Variants in SOX5 observed in about 807,000 individuals in gnomAD.
SOX5 encodes SRY-box transcription factor 5, also known as transcription factor SOX-5.
A neutral mutation model predicts 92.0 loss-of-function variants in SOX5; 9 were observed. The ratio of observed to expected loss-of-function variants is 0.10; its 90% confidence interval spans 0.06 to 0.17. The LOEUF (loss-of-function observed/expected upper bound fraction) is 0.17, where lower values mean the gene tolerates loss of function less well. SOX5 is among the 10% of genes least tolerant of loss of function. The pLI, the probability that SOX5 is intolerant of heterozygous loss-of-function variation, is 1.00. For missense variants in SOX5, 642 were observed against 944.5 expected (o/e 0.68, Z 4.20); for synonymous variants, 344 against 336.3 (o/e 1.02, Z -0.25).
At chr12:24,266,352 A>G (rs1943022446) in intron 3 of SOX5, among the ~76,000 whole-genome samples, 1 of 152,168 alleles carries the variant, frequency 6.6e-6, no homozygotes, top group Non-Finnish European at 1.5e-5. Flanking sequence ...TAATATATAT[A>G]TGGCAAATTG....
chr12:24,006,446 C>T (rs1952174302), intron 4 of SOX5, among the ~76,000 whole-genome samples: 1 of 151,996 alleles, frequency 6.6e-6, no homozygotes, highest in African/African-American at 2.4e-5. Context: ...AGGTACAGAA[C>T]TTTTTTCTGC....
intron 3 of SOX5, among the ~76,000 whole-genome samples, chr12:23,786,616 C>A (rs1313102896): frequency 1.8e-5 from 2 of 109,546 alleles, no homozygotes; most frequent in African/African-American, 3.4e-5. Context: ...CCTACTGTAT[C>A]AATCACGTAT....
chr12:24,090,370 G>T (rs1361019758), intron 4 of SOX5, among the ~76,000 whole-genome samples: 2 of 152,068 alleles, frequency 1.3e-5, no homozygotes, highest in Non-Finnish European at 2.9e-5. Context: ...TGACCACTGA[G>T]AACGCTTGTA....
chr12:24,259,081 T>A (rs1402250311), intron 3 of SOX5, among the ~76,000 whole-genome samples: 2 of 152,220 alleles, frequency 1.3e-5, no homozygotes. Context: ...ATAGATTAAT[T>A]AATGTACTTT....
intron 2 of SOX5, among the ~76,000 whole-genome samples, chr12:23,851,253 T>C (rs2136170711): frequency 6.6e-6 from 1 of 152,286 alleles, no homozygotes; most frequent in South Asian, 2.1e-4. Flanking sequence ...AATCATTGTT[T>C]TCTTATTCAG....
intron 1 of SOX5, among the ~76,000 whole-genome samples, chr12:24,471,248 C>G (rs916266902): frequency 6.6e-6 from 1 of 152,048 alleles, no homozygotes; most frequent in African/African-American, 2.4e-5. Context: ...GAATTTTAAA[C>G]TTTAGTTAAC....
intron 1 of SOX5, among the ~76,000 whole-genome samples, chr12:24,409,437 C>G (rs1963648696): frequency 6.6e-6 from 1 of 152,048 alleles, no homozygotes; most frequent in Non-Finnish European, 1.5e-5. Flanking sequence ...ACTTTCTGCA[C>G]ATGTATCCCT....
At chr12:23,573,363 C>T (rs1223893607) in intron 10 of SOX5, among the ~76,000 whole-genome samples, 3 of 152,180 alleles carry the variant, frequency 2.0e-5, no homozygotes, top group Admixed American at 6.5e-5. Context: ...TAAAACTTCT[C>T]TGTCAGTCTA....
intron 9 of SOX5, among the ~76,000 whole-genome samples, chr12:23,600,710 T>A (rs2074381590): frequency 6.6e-6 from 1 of 151,666 alleles, no homozygotes; most frequent in South Asian, 2.1e-4. Context: ...GAATGCAGAT[T>A]TTGAACAGAC....
chr12:24,195,162 A>C (rs1956895321), intron 4 of SOX5, among the ~76,000 whole-genome samples: 1 of 152,082 alleles, frequency 6.6e-6, no homozygotes, highest in Admixed American at 6.6e-5. Context: ...CACGAGAAAA[A>C]TATTTCTAGG....
intron 2 of SOX5, among the ~76,000 whole-genome samples, chr12:23,871,896 C>T (rs1468826628): frequency 1.3e-5 from 2 of 152,008 alleles, no homozygotes; most frequent in Non-Finnish European, 2.9e-5. Context: ...AGTTTCTCCC[C>T]AACTATCTTT....
intron 4 of SOX5, among the ~76,000 whole-genome samples, chr12:24,000,976 T>C (rs888613414): frequency 6.6e-6 from 1 of 152,134 alleles, no homozygotes; most frequent in South Asian, 2.1e-4. Context: ...TCCAGCAGAA[T>C]ACATACTATT....
chr12:23,794,206 GTTTA>G lies in SOX5; in HGVS notation c.482-38486_482-38483del, dbSNP rs143927948. On this transcript the variant is annotated intron_variant, in intron 3 of 14. Transcript: ENST00000451604. ...TCTTTAATTGGTGTGCTGTTTACTG[GTTTA>G]TTTTAGTGAACAGAAAAATAAGTAT... is the stretch of plus-strand genomic sequence containing the variant. 1.7e-3 allele frequency among the ~76,000 whole-genome samples: 264 copies of G among 151,908 alleles called. 1 individual carries two copies. Among genetic ancestry groups the G allele is most frequent in the African/African-American group, 5.9e-3 (245 of 41,434 alleles).
At chr12:24,518,604 C>G (rs1214681688) in intron 1 of SOX5, among the ~76,000 whole-genome samples, 3 of 152,002 alleles carry the variant, frequency 2.0e-5, no homozygotes. Context: ...AAAACAGACT[C>G]AGGGCAAAAG....
chr12:23,635,756 GA>G (rs1210491018), intron 8 of SOX5, among the ~76,000 whole-genome samples: 1 of 152,150 alleles, frequency 6.6e-6, no homozygotes. Context: ...GATCAAGATA[GA>G]AAGACCAGTT....
At chr12:24,299,475 T>C (rs1229608497) in intron 2 of SOX5, among the ~76,000 whole-genome samples, 2 of 152,170 alleles carry the variant, frequency 1.3e-5, no homozygotes, top group African/African-American at 4.8e-5. Context: ...CTGGGTATAT[T>C]AAAAGGCCTC....
intron 2 of SOX5, among the ~76,000 whole-genome samples, chr12:23,853,543 GTT>G (rs67299596): frequency 5.3e-4 from 68 of 128,946 alleles, no homozygotes; most frequent in Non-Finnish European, 5.4e-4. Flanking sequence ...TGTCTAACGT[GTT>G]TTTTTTTTTT....
At position 24,179,943 on chromosome 12, in the gene SOX5, T is replaced by TA. The variant is rs10711734; in HGVS notation, c.-2+33399dup. ...TAGGCCTTATAATCTTTTTTTTTAT[T>TA]AAAAAAAAAAAAGAAAAGAAAAGTT... On this transcript the variant is annotated intron_variant, in intron 4 of 4. Coordinates refer to the SOX5 transcript ENST00000446891. 8.4e-3 allele frequency among the ~76,000 whole-genome samples: 1,200 copies of TA among 142,724 alleles called. 15 individuals carry two copies. The highest frequency in any genetic ancestry group is 0.026 in the African/African-American group (998 of 38,838). 93.6% of individuals were successfully genotyped at this position (142,724 alleles called of 152,430 possible).
intron 10 of SOX5, among the ~76,000 whole-genome samples, chr12:23,564,978 C>T (rs1032599973): frequency 3.3e-5 from 5 of 152,130 alleles, no homozygotes; most frequent in African/African-American, 9.7e-5. Context: ...TGTTAGTATG[C>T]GCAGAGTAGA....
Sources: allele counts gnomAD v4.1 joint callset (sites outside exome capture counted in the v4.1 genomes callset), GRCh38; gene constraint gnomAD v4.1.1; transcripts MANE v1.5; gene names NCBI Gene and HGNC (gene_info 2026-07-23, HGNC 2026-07-21).